The following RADIL variants were observed in gnomAD, a reference collection of about 807,000 sequenced individuals.
The protein encoded by RADIL is ras-associating and dilute domain-containing protein.
In RADIL, 99 loss-of-function variants were observed where a neutral mutation model predicts 97.6. That is an observed-to-expected ratio of 1.01 (90% CI 0.86 to 1.20). The LOEUF (loss-of-function observed/expected upper bound fraction) is 1.20. Ranked by LOEUF, RADIL falls within the 50% of genes most tolerant of loss-of-function variation. RADIL has a pLI of 0.00. For missense variants in RADIL, 1,765 were observed against 1,498.9 expected (o/e 1.18, Z -2.93); for synonymous variants, 803 against 691.8 (o/e 1.16, Z -2.52).
rs1180314255 is a variant in RADIL, at chr7:4,815,322, A to G, written c.2095T>C (p.Cys699Arg). ...AGEHFFQKLS[C>R]TLNLLATPRA... ...GGTGTGGCCAGCAGGTTGAGGGTGC[A>G]GGAGAGCTTCTGGAAGAAGTGCTCT... The change falls in exon 9 of 15, where the codon TGC becomes CGC. Residue 699 changes from cysteine to arginine, a missense_variant. Coordinates refer to ENST00000399583, the MANE Select transcript of RADIL (RefSeq NM_018059.5). This position sits in a 1 kb window ranked among gnomAD's most constrained non-coding sequence, Gnocchi z 8.0. The G allele has an allele frequency of 2.6e-6, 4 of 1,559,794 alleles. No individual in the cohort carries two copies. Among genetic ancestry groups the G allele is most frequent in the Non-Finnish European group, 3.5e-6 (4 of 1,153,332 alleles).
At chr7:4,828,684 A>G (rs750689050) in intron 5 of RADIL, among the ~76,000 whole-genome samples, 17 of 152,168 alleles carry the variant, frequency 1.1e-4, no homozygotes, top group Non-Finnish European at 2.4e-4. Flanking sequence ...ATCACGGGGG[A>G]GTGACAGATT....
At position 4,872,270 on chromosome 7, in the gene RADIL, G is replaced by A. The variant is rs1157237319; in HGVS notation, c.535+5335C>T. ...CATCTTTGGTTGTTACAACTTGGGG[G>A]TGGGGGCACAGGAGCCAGGGACACT... On this transcript the variant is annotated intron_variant, in intron 2 of 14. Coordinates refer to ENST00000399583, the MANE Select transcript of RADIL (RefSeq NM_018059.5). The surrounding 1 kb of genome is among the most constrained non-coding windows in gnomAD (Gnocchi z 5.8). Among the ~76,000 whole-genome samples, 1 of 152,198 alleles carries A rather than the reference G, an allele frequency of 6.6e-6. No homozygotes were observed. Among genetic ancestry groups the A allele is most frequent in the Non-Finnish European group, 1.5e-5 (1 of 68,038 alleles).
At chr7:4,838,131 C>T (rs3763379) in intron 2 of RADIL, 75,744 of 902,056 alleles carry the variant, frequency 0.084, 3,381 homozygotes, top group African/African-American at 0.14. Context: ...GGGCTGCTCA[C>T]CACCCGTGCT....
At position 4,877,607 on chromosome 7, in the gene RADIL, G is replaced by T. The variant is rs748753298; in HGVS notation, c.533C>A (p.Ala178Glu). Residue 178 changes from alanine (A) to glutamate (E), a missense_variant and splice_region_variant, in exon 2 of 15, where the codon GCA (alanine) becomes GAA (glutamate). Physicochemically the swap from Ala to Glu is moderately radical, Grantham distance 107 (BLOSUM62 -1). Coordinates refer to ENST00000399583, the MANE Select transcript of RADIL (RefSeq NM_018059.5). ...LAAKEVDTIT[A>E]GINAQARRLQ... ...CCTGAACCTGTGGCCCCCCTCACCT[G>T]CCGTGATGGTGTCCACCTCCTTGGC... 92 of 1,592,264 alleles carry T rather than the reference G, an allele frequency of 5.8e-5. No individual in the cohort carries two copies. The highest frequency in any genetic ancestry group is 7.9e-5 in the Non-Finnish European group (92 of 1,170,336).
Position 4,878,038 on chromosome 7 carries a change from G to C in RADIL, c.102C>G (p.Tyr34Ter), listed in dbSNP as rs774899479. Reference protein sequence around the residue: ...LSSMLSRTLSYKYRDLDSTFS... With the variant: ...LSSMLSRTLS ...AGGTGGAGTCCAGGTCCCGGTACTT[G>C]TAGCTCAGCGTCCGGGACAGCATGC... Residue 34 changes from tyrosine to a stop codon, truncating the protein, a stop_gained, in exon 2 of 15, where the codon TAC becomes TAG. Transcript: ENST00000399583. LOFTEE classifies it high-confidence loss of function. This position sits in a 1 kb window ranked among gnomAD's most constrained non-coding sequence, Gnocchi z 4.1. The C allele has an allele frequency of 5.6e-6, 9 of 1,607,634 alleles. No individual in the cohort carries two copies. In the African/African-American group the frequency reaches 9.4e-5, roughly 17 times the overall value.
In RADIL at chr7:4,814,737, G is replaced by C. The variant is rs931307712; in HGVS notation, c.2139+541C>G. ...GAGCTGACAGCAAGATGAAGCCCCC[G>C]GGGGAGGATCTGTCTCCCTGCTCTT... On this transcript the variant is annotated intron_variant, in intron 9 of 14. Transcript: ENST00000399583. The surrounding 1 kb of genome is among the most constrained non-coding windows in gnomAD (Gnocchi z 4.5). 6.6e-6 allele frequency among the ~76,000 whole-genome samples: 1 copy of C among 152,174 alleles called. No homozygotes were observed. Among genetic ancestry groups the C allele is most frequent in the African/African-American group, 2.4e-5 (1 of 41,436 alleles).
rs757288120 is a variant in RADIL at position 4,822,132 on chromosome 7, G to A, written c.1615+262C>T. Reference sequence around the variant, plus strand: ...GGGCTGCGGTCAAGGGGACGCCACCGCACGGAGCACACGGGATGATGGGGA... The same window carrying A: ...GGGCTGCGGTCAAGGGGACGCCACCACACGGAGCACACGGGATGATGGGGA... On this transcript the variant is annotated intron_variant, in intron 6 of 14. Transcript: ENST00000399583. This position sits in a 1 kb window ranked among gnomAD's most constrained non-coding sequence, Gnocchi z 5.3. Among the ~76,000 whole-genome samples, 1 of 152,042 alleles carries A rather than the reference G, an allele frequency of 6.6e-6. No individual in the cohort carries two copies. The highest frequency in any genetic ancestry group is 2.4e-5 in the African/African-American group (1 of 41,406).
intron 2 of RADIL, among the ~76,000 whole-genome samples, chr7:4,841,333 T>C (rs1047967661): frequency 1.3e-5 from 2 of 152,210 alleles, no homozygotes; most frequent in African/African-American, 2.4e-5. Flanking sequence ...AAATCTGTAT[T>C]GGTAAATGCC....
chr7:4,831,856 C>G (rs1179442136), intron 5 of RADIL, among the ~76,000 whole-genome samples: 2 of 152,066 alleles, frequency 1.3e-5, no homozygotes, highest in African/African-American at 2.4e-5. Context: ...CCACTGCACT[C>G]CAGCCTGGCG....
In RADIL at chr7:4,802,965, G is replaced by GC. The variant is rs768843971; in HGVS notation, c.2499+580dup. The stretch of plus-strand genomic sequence containing the variant: ...CACCTCGGGGCACGCTGGCTGGGGG[G>GC]CCCCCTCCCCGGGTACCTCGGGGCA... On this transcript the variant is annotated intron_variant, in intron 11 of 14. Transcript: ENST00000399583. 1.5e-3 allele frequency among the ~76,000 whole-genome samples: 131 copies of GC among 84,594 alleles called. 3 individuals are homozygous for GC. The highest frequency in any genetic ancestry group is 2.5e-3 in the Non-Finnish European group (114 of 45,478). The allele number at this position is 84,594 out of a possible 152,430, so 55.5% of individuals were successfully genotyped here.
chr7:4,802,142 G>T, intron 11 of RADIL, 147 bp from the exon 12 acceptor site: 1 of 661,996 alleles, frequency 1.5e-6, no homozygotes, highest in Non-Finnish European at 2.5e-6. Flanking sequence ...AGCTTGAGAC[G>T]CGCAAGAGGC....
chr7:4,868,397 C>T (rs1009563084), intron 2 of RADIL, among the ~76,000 whole-genome samples: 9 of 152,260 alleles, frequency 5.9e-5, no homozygotes, highest in Middle Eastern at 3.4e-3. Context: ...TATATGTGTA[C>T]GGGTGGCAGC....
rs1158231633 is a variant in RADIL at position 4,840,685 on chromosome 7, C to G, written c.536-4080G>C. Among the ~76,000 whole-genome samples, 1 of 152,116 alleles carries G rather than the reference C, an allele frequency of 6.6e-6. No individual in the cohort carries two copies. Among genetic ancestry groups the G allele is most frequent in the Non-Finnish European group, 1.5e-5 (1 of 68,000 alleles). ...ATACATCATCAAGAAACCACTATTT[C>G]TGGCCGGGCGCGGTGGCTCACGCCT... On this transcript the variant is annotated intron_variant, in intron 2 of 14. Coordinates refer to ENST00000399583, the MANE Select transcript of RADIL (RefSeq NM_018059.5). The surrounding 1 kb of genome is among the most constrained non-coding windows in gnomAD (Gnocchi z 5.6).
chr7:4,865,738 G>C, intron 2 of RADIL: 2 of 1,071,564 alleles, frequency 1.9e-6, no homozygotes, highest in South Asian at 2.5e-5. Flanking sequence ...GCAATCAAGA[G>C]TGAACTTCAG....
At chr7:4,807,289 C>T (rs1229507601) in intron 9 of RADIL, among the ~76,000 whole-genome samples, 1 of 152,020 alleles carries the variant, frequency 6.6e-6, no homozygotes, top group Non-Finnish European at 1.5e-5. Flanking sequence ...CCAACACCAC[C>T]GGCCCCCACC....
intron 9 of RADIL, chr7:4,808,591 C>T (rs1782422475): frequency 1.0e-6 from 1 of 985,322 alleles, no homozygotes; most frequent in African/African-American, 1.7e-5. Context: ...CCGAAGTCCT[C>T]ACAGCTTGGC....
At chr7:4,836,227 C>A in intron 3 of RADIL, 131 bp downstream of exon 3, 1 of 1,378,616 alleles carries the variant, frequency 7.3e-7, no homozygotes. Context: ...AGCCTCGGCA[C>A]AGCCAGAGGG....
intron 5 of RADIL, among the ~76,000 whole-genome samples, chr7:4,828,806 C>T (rs1291442514): frequency 1.3e-5 from 2 of 152,208 alleles, no homozygotes; most frequent in Admixed American, 6.5e-5. Context: ...CTAACGATGA[C>T]GGTTCTGGAA....
chr7:4,810,364 T>C (rs1782506296), intron 9 of RADIL, among the ~76,000 whole-genome samples: 1 of 152,052 alleles, frequency 6.6e-6, no homozygotes, highest in Non-Finnish European at 1.5e-5. Context: ...TGGGGTGGTC[T>C]TACTGTGTTA....
Sources: gnomAD v4.1 joint callset for allele counts (sites outside exome capture counted in the v4.1 genomes callset) on GRCh38, gnomAD v4.1.1 for gene constraint, Gnocchi (gnomAD v3.1) non-coding constraint, MANE v1.5 for transcripts, NCBI Gene and HGNC (gene_info 2026-07-23, HGNC 2026-07-21) for gene names.